The following GABRG1 variants were observed in gnomAD, a reference collection of about 807,000 sequenced individuals.
The protein encoded by GABRG1 is gamma-aminobutyric acid type A receptor subunit gamma1.
In GABRG1, 49 loss-of-function variants were observed where a neutral mutation model predicts 49.8. The observed-to-expected ratio is 0.98, with a 90% CI of 0.78 to 1.25. The LOEUF (loss-of-function observed/expected upper bound fraction) is 1.25, where lower values mean the gene tolerates loss of function less well. Among genes scored for constraint, GABRG1 ranks in the 50% most tolerant of loss-of-function variants. The pLI is 0.00. For missense variants in GABRG1, 552 were observed against 552.3 expected (o/e 1.00, Z 0.01); for synonymous variants, 232 against 185.1 (o/e 1.25, Z -2.06).
intron 1 of GABRG1, among the ~76,000 whole-genome samples, chr4:46,120,710 T>C (rs1175084142): frequency 2.6e-5 from 4 of 151,766 alleles, no homozygotes; most frequent in African/African-American, 9.7e-5. Flanking sequence ...TTGAAAATAA[T>C]ATATTTTAAA....
intron 2 of GABRG1, among the ~76,000 whole-genome samples, chr4:46,091,239 A>G (rs1719979110): frequency 1.3e-5 from 2 of 152,038 alleles, no homozygotes; most frequent in African/African-American, 4.8e-5. Context: ...AAGCTTTACC[A>G]AGGAAATTAC....
chr4:46,070,445 C>T lies in GABRG1; in HGVS notation c.322-4861G>A, dbSNP rs560277533. On this transcript the variant is annotated intron_variant, in intron 3 of 8. Coordinates refer to ENST00000295452, the MANE Select transcript of GABRG1 (RefSeq NM_173536.4). The stretch of plus-strand genomic sequence containing the variant: ...TTTATAAACCCTATGAATGAACTCC[C>T]AGTTCTTAAGAAGTTACAATAAAAT... Among the ~76,000 whole-genome samples, 8 of 151,990 alleles carry T rather than the reference C, an allele frequency of 5.3e-5. No individual in the cohort carries two copies. The East Asian group carries it at 1.6e-3, about 29-fold the overall frequency.
At chr4:46,099,769 G>A (rs1720313442) in intron 1 of GABRG1, among the ~76,000 whole-genome samples, 1 of 151,602 alleles carries the variant, frequency 6.6e-6, no homozygotes, top group African/African-American at 2.4e-5. Context: ...CTAGTAGTCA[G>A]AGGCCAGTTC....
intron 7 of GABRG1, among the ~76,000 whole-genome samples, chr4:46,056,812 T>C (rs1362306610): frequency 6.6e-6 from 1 of 152,076 alleles, no homozygotes; most frequent in Non-Finnish European, 1.5e-5. Context: ...TTCTCTATCT[T>C]AGGGTCCACA....
chr4:46,097,211 TGGAC>T lies in GABRG1; in HGVS notation c.239_242del (p.Arg80GlnfsTer3). ...GTAACTCAAGCTTACCTCCTATATC[TGGAC>T]GAAGTTTATTGTCATAGCCTTGAAG... On this transcript the variant is annotated frameshift_variant, in exon 2 of 9. Transcript: ENST00000295452. LOFTEE classifies it high-confidence loss of function. The T allele has an allele frequency of 1.9e-6, 3 of 1,607,658 alleles. No homozygotes were observed. Among genetic ancestry groups the T allele is most frequent in the Non-Finnish European group, 1.7e-6 (2 of 1,176,684 alleles).
In GABRG1 at chr4:46,037,991, G is replaced by GA. The variant is rs1277826302; in HGVS notation, c.*2996dup. Reference sequence around the variant, plus strand: ...AATGCCAGAATATGGAAACACAAGTGAAAAAATCCTTATGATTGCCTTCAT... The same window carrying GA: ...AATGCCAGAATATGGAAACACAAGTGAAAAAAATCCTTATGATTGCCTTCAT... On this transcript the variant is annotated 3_prime_UTR_variant, in exon 9 of 9. Transcript: ENST00000295452. 6.6e-6 allele frequency: 1 copy of GA among 151,588 alleles called. No individual in the cohort carries two copies. Among genetic ancestry groups the GA allele is most frequent in the Non-Finnish European group, 1.5e-5 (1 of 67,692 alleles). The allele number at this position is 151,588 out of a possible 1,614,324, so 9.4% of individuals were successfully genotyped here. A position where few individuals can be genotyped will look rare whatever the true frequency, so the allele number is the denominator to read the frequency against.
At chr4:46,067,339 G>C (rs1465720549) in intron 3 of GABRG1, among the ~76,000 whole-genome samples, 1 of 151,838 alleles carries the variant, frequency 6.6e-6, no homozygotes, top group Non-Finnish European at 1.5e-5. Flanking sequence ...AATCCAATAG[G>C]TACCAGAAAC....
At chr4:46,095,590 T>C (rs190392666) in intron 2 of GABRG1, among the ~76,000 whole-genome samples, 13 of 151,906 alleles carry the variant, frequency 8.6e-5, no homozygotes, top group Admixed American at 3.9e-4. Flanking sequence ...CATTAGACTT[T>C]TCAAAAATAA....
At chr4:46,096,165 C>T (rs570599612) in intron 2 of GABRG1, among the ~76,000 whole-genome samples, 21 of 150,944 alleles carry the variant, frequency 1.4e-4, no homozygotes, top group African/African-American at 5.1e-4. Context: ...TGGTGTTAAA[C>T]AAATTTACAA....
intron 1 of GABRG1, among the ~76,000 whole-genome samples, chr4:46,115,913 G>T (rs569000320): frequency 3.0e-4 from 45 of 150,302 alleles, no homozygotes; most frequent in Non-Finnish European, 6.1e-4. Flanking sequence ...AAAATTAATT[G>T]GTACGGTGGC....
chr4:46,066,683 C>T (rs1368695827), intron 3 of GABRG1, among the ~76,000 whole-genome samples: 2 of 151,970 alleles, frequency 1.3e-5, no homozygotes, highest in Non-Finnish European at 2.9e-5. Flanking sequence ...GGAAATTCCA[C>T]AATTAACAGA....
At position 46,098,709 on chromosome 4, in the gene GABRG1, T is replaced by A. The variant is rs571818443; in HGVS notation, c.105-1360A>T. The stretch of plus-strand genomic sequence containing the variant: ...GCTTTTGATTGCCACCTCTTTGGTA[T>A]TTTTTTAGTGCTTGCCTTCTCATTT... On this transcript the variant is annotated intron_variant, in intron 1 of 8. Transcript: ENST00000295452. Among the ~76,000 whole-genome samples, 3 of 150,154 alleles carry A rather than the reference T, an allele frequency of 2.0e-5. No individual in the cohort carries two copies. In the East Asian group the frequency reaches 5.9e-4, roughly 29 times the overall value.
At chr4:46,069,789 T>A (rs538583853) in intron 3 of GABRG1, among the ~76,000 whole-genome samples, 22 of 152,174 alleles carry the variant, frequency 1.4e-4, no homozygotes, top group African/African-American at 5.1e-4. Context: ...ACCTTCTTGG[T>A]ATGAACATAT....
At chr4:46,067,861 C>T (rs1718976379) in intron 3 of GABRG1, among the ~76,000 whole-genome samples, 1 of 152,062 alleles carries the variant, frequency 6.6e-6, no homozygotes, top group Non-Finnish European at 1.5e-5. Context: ...ATAAATTGTG[C>T]ATGCATTTAG....
intron 2 of GABRG1, among the ~76,000 whole-genome samples, chr4:46,086,374 C>T (rs1719752711): frequency 6.6e-6 from 1 of 151,620 alleles, no homozygotes; most frequent in African/African-American, 2.4e-5. Flanking sequence ...ATTGGTATAT[C>T]AGTGAGAAAA....
chr4:46,105,791 T>TGATAGATAGATAGATAGATA (rs10660132), intron 1 of GABRG1, among the ~76,000 whole-genome samples: 10 of 144,660 alleles, frequency 6.9e-5, no homozygotes, highest in South Asian at 2.2e-4. Flanking sequence ...GGTAGATAGA[T>TGATAGATAGATAGATAGATA]GATAGATAGA....
At position 46,107,711 on chromosome 4, in the gene GABRG1, T is replaced by A. The variant is rs543170498; in HGVS notation, c.105-10362A>T. ...CCTATCTTATTTTAATTTATTTTCT[T>A]CAAATATTCTGTTAACTTGTTGTTA... On this transcript the variant is annotated intron_variant, in intron 1 of 8. Transcript: ENST00000295452. 1.2e-4 allele frequency among the ~76,000 whole-genome samples: 18 copies of A among 149,502 alleles called. No individual in the cohort carries two copies. In the South Asian group the frequency reaches 3.7e-3, roughly 31 times the overall value.
In GABRG1 at chr4:46,056,151, T is replaced by TAAAAAAAAAAA. The variant is rs1182116080; in HGVS notation, c.916+2055_916+2065dup. Among the ~76,000 whole-genome samples the TAAAAAAAAAAA allele has an allele frequency of 9.8e-4, 9 of 9,144 alleles. 1 individual carries two copies. Among genetic ancestry groups the TAAAAAAAAAAA allele is most frequent in the Non-Finnish European group, 1.1e-3 (7 of 6,154 alleles). The allele number at this position is 9,144 out of a possible 152,430, so 6.0% of individuals were successfully genotyped here. A position where few individuals can be genotyped will look rare whatever the true frequency, so the allele number is the denominator to read the frequency against. ...AAAAAAAAAAAATAAATAAATAAAT[T>TAAAAAAAAAAA]AAAAAAAAAAAAAAAAAAAAAAAAA... On this transcript the variant is annotated intron_variant, in intron 7 of 8. Transcript: ENST00000295452.
In GABRG1 at chr4:46,040,917, A is replaced by T. The variant is rs1339504191; in HGVS notation, c.*71T>A. ...CTCTGCATTTTAAATTTAAACTTCA[A>T]GTTACTGAAGCACAAAAGATTCTAC... On this transcript the variant is annotated 3_prime_UTR_variant, in exon 9 of 9. Transcript: ENST00000295452. 3 of 1,436,012 alleles carry T rather than the reference A, an allele frequency of 2.1e-6. No individual in the cohort carries two copies. The highest frequency in any genetic ancestry group is 2.1e-5 in the Admixed American group (1 of 47,396). 89.0% of individuals were successfully genotyped at this position (1,436,012 alleles called of 1,614,324 possible).
Sources: allele counts gnomAD v4.1 joint callset (sites outside exome capture counted in the v4.1 genomes callset), GRCh38; gene constraint gnomAD v4.1.1; transcripts MANE v1.5; gene names NCBI Gene and HGNC (gene_info 2026-07-23, HGNC 2026-07-21).